SPATA13: variants seen among roughly 807,000 people sequenced by gnomAD.
The protein encoded by SPATA13 is spermatogenesis associated 13, also known as spermatogenesis-associated protein 13.
SPATA13 carries 50 observed loss-of-function variants against 104.0 expected under a neutral mutation model. The ratio of observed to expected loss-of-function variants is 0.48; its 90% CI spans 0.38 to 0.61. SPATA13 has a LOEUF of 0.61. Ranked by LOEUF, SPATA13 falls within the 20% of genes least tolerant of loss-of-function variation. The probability of loss-of-function intolerance (pLI) is 0.00; values close to 1 mark genes in which losing one functional copy is unlikely to be tolerated. For synonymous variants in SPATA13, 606 were observed against 667.5 expected, an observed-to-expected ratio of 0.91 and a Z score of 1.42; for missense variants, 1,524 against 1,690.6, an observed-to-expected ratio of 0.90 and a Z score of 1.73.
At chr13:24,263,403 T>A (rs566817488) in intron 4 of SPATA13, among the ~76,000 whole-genome samples, 3 of 152,164 alleles carry the variant, frequency 2.0e-5, no homozygotes, top group African/African-American at 7.2e-5. Context: ...TCCCCCTACA[T>A]CTCACTTTAT....
At chr13:24,098,204 A>T (rs1880143134) in intron 3 of SPATA13, among the ~76,000 whole-genome samples, 1 of 152,238 alleles carries the variant, frequency 6.6e-6, no homozygotes, top group Admixed American at 6.5e-5. Flanking sequence ...ATGGAAAAAT[A>T]CAGAAGTGAA....
intron 3 of SPATA13, among the ~76,000 whole-genome samples, chr13:24,117,043 A>G (rs1880870150): frequency 6.6e-6 from 1 of 152,218 alleles, no homozygotes; most frequent in Admixed American, 6.5e-5. Context: ...GTTAATGTCT[A>G]TTATTTAAGC....
At chr13:24,016,592 G>T (rs1188607843) in intron 2 of SPATA13, among the ~76,000 whole-genome samples, 1 of 152,200 alleles carries the variant, frequency 6.6e-6, no homozygotes, top group African/African-American at 2.4e-5. Context: ...TCCTAAGCAG[G>T]CTCAGTGTCC....
At chr13:24,035,167 G>GT (rs933110999) in intron 3 of SPATA13, 1 of 152,062 alleles carries the variant, frequency 6.6e-6, no homozygotes. Flanking sequence ...TTTTTGTTTT[G>GT]TTTTTTGAGA....
chr13:24,091,640 G>T (rs552887542), intron 3 of SPATA13, among the ~76,000 whole-genome samples: 11 of 152,240 alleles, frequency 7.2e-5, no homozygotes, highest in African/African-American at 2.6e-4. Flanking sequence ...GTGAAACCTC[G>T]TTTCTACTAA....
Position 24,284,230 on chromosome 13 carries a change from C to T in SPATA13, c.2260C>T (p.Arg754Trp), listed in dbSNP as rs755337296. The T allele has an allele frequency of 2.0e-5, 33 of 1,613,658 alleles. No individual in the cohort carries two copies. Among genetic ancestry groups the T allele is most frequent in the Admixed American group, 1.7e-4 (10 of 59,992 alleles). The change falls in exon 5 of 13, where the codon CGG becomes TGG. Residue 754 changes from arginine to tryptophan, a missense_variant. By Grantham distance (101) the Arg-to-Trp change is moderately radical. Around this residue, in one of 2 missense-constraint regions of SPATA13, gnomAD observed 1,089 missense variants for 1,135.9 expected, o/e 0.96. Transcript: ENST00000382108. ...TGAAGACCTCTGCCAGGCCAGCCCT[C>T]GGTACCTGCAGCCCGGCGGGGAGCA... ...SYEDLCQASP[R>W]YLQPGGEQLA...
chr13:24,017,817 CCTCT>C, intron 3 of SPATA13: 32 of 486,558 alleles, frequency 6.6e-5, no homozygotes, highest in East Asian at 1.5e-4. Flanking sequence ...CCATATGTTA[CCTCT>C]GTAACATACT....
intron 3 of SPATA13, among the ~76,000 whole-genome samples, chr13:24,044,719 A>G (rs1018104924): frequency 1.5e-4 from 22 of 146,598 alleles, no homozygotes; most frequent in Admixed American, 4.1e-4. Context: ...TATACAGTAC[A>G]TTATTGTTAA....
chr13:24,232,041 C>T (rs1394760406), intron 2 of SPATA13, among the ~76,000 whole-genome samples: 1 of 152,154 alleles, frequency 6.6e-6, no homozygotes, highest in East Asian at 1.9e-4. Flanking sequence ...TCAGGGTTCT[C>T]CAGAGGACGA....
chr13:24,150,252 C>T (rs1882058566), intron 3 of SPATA13, among the ~76,000 whole-genome samples: 1 of 152,126 alleles, frequency 6.6e-6, no homozygotes, highest in Non-Finnish European at 1.5e-5. Context: ...TTCTCCCTGC[C>T]CAGCACCAGT....
intron 2 of SPATA13, among the ~76,000 whole-genome samples, chr13:24,232,077 C>T (rs1020635691): frequency 5.9e-5 from 9 of 152,306 alleles, no homozygotes; most frequent in East Asian, 1.9e-4. Context: ...ATATGAAAAT[C>T]GGCTGGTGTG....
At chr13:24,160,008 G>A (rs1433322026), upstream of SPATA13, among the ~76,000 whole-genome samples, 2 of 152,178 alleles carry the variant, frequency 1.3e-5, no homozygotes, top group East Asian at 3.9e-4. Context: ...ATTAGGCCTT[G>A]AGCCTCACAA....
chr13:24,121,970 G>A, intron 3 of SPATA13: 2 of 838,494 alleles, frequency 2.4e-6, no homozygotes, highest in Non-Finnish European at 4.1e-6. Context: ...TTCATCATTA[G>A]TTTAGAGTAG....
intron 3 of SPATA13, among the ~76,000 whole-genome samples, chr13:24,111,859 G>GC (rs1189527048): frequency 1.3e-5 from 2 of 152,122 alleles, no homozygotes; most frequent in African/African-American, 4.8e-5. Flanking sequence ...TTGCCTCCGG[G>GC]CTTATAATGC....
At chr13:24,268,310 CGAGA>C (rs993537530) in intron 4 of SPATA13, among the ~76,000 whole-genome samples, 1 of 152,058 alleles carries the variant, frequency 6.6e-6, no homozygotes, top group African/African-American at 2.4e-5. Context: ...AGACTTTACA[CGAGA>C]GAGAGAGTAG....
chr13:24,278,307 C>T (rs7986973), intron 4 of SPATA13, among the ~76,000 whole-genome samples: 139,734 of 152,250 alleles, frequency 0.92, 64,639 homozygotes, highest in Non-Finnish European at 0.97. Context: ...TCCTCATCTG[C>T]AAGTGGGGAC....
chr13:24,248,347 A>G (rs961674366), intron 2 of SPATA13, among the ~76,000 whole-genome samples: 2 of 152,256 alleles, frequency 1.3e-5, no homozygotes, highest in Non-Finnish European at 2.9e-5. Flanking sequence ...GCCAGATCAC[A>G]GAAGTTAGGT....
intron 3 of SPATA13, among the ~76,000 whole-genome samples, chr13:24,139,609 A>T (rs1236844238): frequency 2.6e-5 from 4 of 152,224 alleles, no homozygotes; most frequent in Admixed American, 2.6e-4. Flanking sequence ...TTGGTTGTTA[A>T]GATTTCAGAA....
intron 3 of SPATA13, among the ~76,000 whole-genome samples, chr13:24,140,557 T>C (rs1881730165): frequency 6.6e-6 from 1 of 152,188 alleles, no homozygotes; most frequent in South Asian, 2.1e-4. Context: ...AGCCTCTCCC[T>C]ACAGAGTCAA....
Sources: gnomAD v4.1 joint callset for allele counts (sites outside exome capture counted in the v4.1 genomes callset) on GRCh38, gnomAD v4.1.1 for gene constraint, gnomAD v4.1.1 regional missense constraint, MANE v1.5 for transcripts, NCBI Gene and HGNC (gene_info 2026-07-23, HGNC 2026-07-21) for gene names.